SPOCK3: variants seen among roughly 807,000 people sequenced by gnomAD.
SPOCK3 encodes the protein SPARC (osteonectin), cwcv and kazal like domains proteoglycan 3.
Under a neutral mutation model 56.6 loss-of-function variants are expected in SPOCK3, and 30 were observed. That is an observed-to-expected ratio of 0.53 (90% confidence interval 0.40 to 0.72). The LOEUF is 0.72. SPOCK3 is among the 30% of genes least tolerant of loss of function. The pLI is 0.00. For synonymous variants in SPOCK3, 196 were observed against 183.3 expected, an observed-to-expected ratio of 1.07 and a Z score of -0.56; for missense variants, 527 against 530.0, an observed-to-expected ratio of 0.99 and a Z score of 0.06.
intron 10 of SPOCK3, 109 bp downstream of exon 10, chr4:166,737,358 G>A: frequency 8.3e-7 from 1 of 1,209,882 alleles, no homozygotes; most frequent in South Asian, 1.6e-5. Flanking sequence ...ATATTCTACA[G>A]TCTTTGCATA....
Position 167,035,077 on chromosome 4 carries a change from C to T in SPOCK3, c.235+27415G>A, listed in dbSNP as rs190580607. Among the ~76,000 whole-genome samples the T allele has an allele frequency of 1.7e-3, 261 of 152,064 alleles. 1 individual carries two copies. The highest frequency in any genetic ancestry group is 5.6e-3 in the African/African-American group (232 of 41,484). On this transcript the variant is annotated intron_variant, in intron 3 of 10. Coordinates refer to ENST00000357545, the MANE Select transcript of SPOCK3 (RefSeq NM_001040159.2). ...TTTCAAAAACAACCAAAAAACTAGA[C>T]GAGTGAGTAGCAAATAAGGGAGTAA...
At chr4:166,847,652 T>TATATATATATATATATATAAAA (rs1748216662) in intron 6 of SPOCK3, among the ~76,000 whole-genome samples, 1 of 80,454 alleles carries the variant, frequency 1.2e-5, no homozygotes. Context: ...CTAGTTTATA[T>TATATATATATATATATATAAAA]ATATATATAT....
chr4:167,040,319 G>A (rs546967627), intron 3 of SPOCK3, among the ~76,000 whole-genome samples: 2 of 152,256 alleles, frequency 1.3e-5, no homozygotes, highest in African/African-American at 4.8e-5. Flanking sequence ...TAAATGACAT[G>A]AGTTGTGGTC....
chr4:167,203,921 A>G (rs1225511232), intron 2 of SPOCK3, among the ~76,000 whole-genome samples: 1 of 152,142 alleles, frequency 6.6e-6, no homozygotes, highest in African/African-American at 2.4e-5. Context: ...TAAAATTTCT[A>G]AAATAATATA....
chr4:166,818,959 A>G (rs1365330283), intron 6 of SPOCK3, among the ~76,000 whole-genome samples: 4 of 152,056 alleles, frequency 2.6e-5, no homozygotes, highest in Non-Finnish European at 5.9e-5. Flanking sequence ...ATAAAAGTCT[A>G]TTCCCACACA....
intron 8 of SPOCK3, among the ~76,000 whole-genome samples, chr4:166,749,843 G>A (rs1226635540): frequency 6.6e-6 from 1 of 151,924 alleles, no homozygotes; most frequent in Non-Finnish European, 1.5e-5. Flanking sequence ...AAATTTTATA[G>A]CTCTCCAAAT....
At position 166,742,523 on chromosome 4, in the gene SPOCK3, G is replaced by A. The variant is rs979204221; in HGVS notation, c.932-464C>T. Among the ~76,000 whole-genome samples the A allele has an allele frequency of 3.3e-5, 5 of 152,186 alleles. No homozygotes were observed. The East Asian group carries it at 9.6e-4, about 29-fold the overall frequency. On this transcript the variant is annotated intron_variant, in intron 8 of 10. Coordinates refer to ENST00000357545, the MANE Select transcript of SPOCK3 (RefSeq NM_001040159.2). ...GTTTTCCCCTCATTTAAAAGTTTCT[G>A]TGATATAGACAAGTAACTTTGTGTT...
chr4:167,115,981 T>G (rs908448085), intron 2 of SPOCK3, among the ~76,000 whole-genome samples: 1 of 151,848 alleles, frequency 6.6e-6, no homozygotes, highest in Non-Finnish European at 1.5e-5. Flanking sequence ...ATTCTTCAGG[T>G]AGGAGGATAT....
At chr4:167,057,310 T>C (rs1424842543) in intron 3 of SPOCK3, among the ~76,000 whole-genome samples, 2,312 of 152,124 alleles carry the variant, frequency 0.015, 55 homozygotes, top group African/African-American at 0.052. Flanking sequence ...AAGGAACAAC[T>C]GGTACCAGCC....
intron 3 of SPOCK3, among the ~76,000 whole-genome samples, chr4:167,036,293 C>T (rs1752747995): frequency 6.6e-6 from 1 of 152,018 alleles, no homozygotes; most frequent in Non-Finnish European, 1.5e-5. Flanking sequence ...TGCGTTTTTT[C>T]TCTGTTCTAT....
intron 3 of SPOCK3, among the ~76,000 whole-genome samples, chr4:167,014,707 TG>T (rs771619948): frequency 1.3e-5 from 2 of 151,986 alleles, no homozygotes; most frequent in African/African-American, 2.4e-5. Flanking sequence ...ATGTTTTCTC[TG>T]AAAGCTGTGT....
chr4:167,156,529 TAAAC>T (rs1468690992), intron 2 of SPOCK3, among the ~76,000 whole-genome samples: 1 of 152,112 alleles, frequency 6.6e-6, no homozygotes, highest in Non-Finnish European at 1.5e-5. Context: ...TGTGAAAAGA[TAAAC>T]AACAGCTACT....
chr4:166,993,315 T>C (rs1748003866), intron 4 of SPOCK3, among the ~76,000 whole-genome samples: 1 of 152,188 alleles, frequency 6.6e-6, no homozygotes, highest in African/African-American at 2.4e-5. Flanking sequence ...TTGAGGCGTC[T>C]AGTGCCTATG....
chr4:167,109,745 G>C (rs924234338), intron 2 of SPOCK3, among the ~76,000 whole-genome samples: 18 of 150,346 alleles, frequency 1.2e-4, no homozygotes, highest in African/African-American at 4.1e-4. Context: ...TGAAAAACAA[G>C]ACCTTAAAGA....
chr4:166,903,020 G>A (rs1219557289), intron 5 of SPOCK3, among the ~76,000 whole-genome samples: 1 of 149,190 alleles, frequency 6.7e-6, no homozygotes, highest in Non-Finnish European at 1.5e-5. Context: ...GTTCACTCTT[G>A]CTCCTGTTAG....
At chr4:167,139,189 A>G (rs925462676) in intron 2 of SPOCK3, among the ~76,000 whole-genome samples, 5 of 152,032 alleles carry the variant, frequency 3.3e-5, no homozygotes, top group Admixed American at 6.6e-5. Flanking sequence ...ATTTAAAACC[A>G]TGTAAGAAAG....
intron 4 of SPOCK3, among the ~76,000 whole-genome samples, chr4:166,945,405 TCCTC>T (rs1741606419): frequency 6.6e-6 from 1 of 152,172 alleles, no homozygotes; most frequent in Non-Finnish European, 1.5e-5. Flanking sequence ...TATTATGACT[TCCTC>T]CCTTTCATAT....
intron 3 of SPOCK3, among the ~76,000 whole-genome samples, chr4:167,041,282 C>T (rs912139784): frequency 3.3e-5 from 5 of 152,108 alleles, no homozygotes; most frequent in African/African-American, 4.8e-5. Flanking sequence ...GACATATTGG[C>T]TAGCTTCTAA....
rs1244616174 is a variant in SPOCK3 at position 167,205,527 on chromosome 4, T to TATATTATATA, written c.189+28457_189+28458insTATATAATAT. Among the ~76,000 whole-genome samples, 45 of 57,028 alleles carry TATATTATATA rather than the reference T, an allele frequency of 7.9e-4. 1 individual carries two copies. The highest frequency in any genetic ancestry group is 1.2e-3 in the Non-Finnish European group (42 of 34,168). The allele number at this position is 57,028 out of a possible 152,430, so 37.4% of individuals were successfully genotyped here. Reference sequence around the variant, plus strand: ...TATTATATAATATATATTATATATATTATTATATAATATATATTATATAAT... The same window carrying TATATTATATA: ...TATTATATAATATATATTATATATATATATTATATATATTATATAATATATATTATATAAT... On this transcript the variant is annotated intron_variant, in intron 2 of 10. Transcript: ENST00000357545.
Sources: gnomAD v4.1 joint callset for allele counts (sites outside exome capture counted in the v4.1 genomes callset) on GRCh38, gnomAD v4.1.1 for gene constraint, MANE v1.5 for transcripts, NCBI Gene and HGNC (gene_info 2026-07-23, HGNC 2026-07-21) for gene names.